Variants in TSPAN9 observed in about 807,000 individuals in gnomAD.
TSPAN9 encodes the protein tetraspanin 9, also known as tetraspanin-9.
A neutral mutation model predicts 31.0 loss-of-function variants in TSPAN9; 16 were observed. The observed-to-expected ratio is 0.52, with a 90% CI of 0.35 to 0.78. TSPAN9 has a LOEUF of 0.78. Among genes scored for constraint, TSPAN9 ranks in the 30% least tolerant of loss-of-function variants. TSPAN9 has a pLI of 0.01. For missense variants in TSPAN9, 272 were observed against 312.5 expected (o/e 0.87, Z 0.98); for synonymous variants, 145 against 121.6 (o/e 1.19, Z -1.27).
intron 2 of TSPAN9, among the ~76,000 whole-genome samples, chr12:3,118,256 G>GTTTCTTTTTTTTTTTTTTTT (rs2098323371): frequency 3.2e-5 from 1 of 31,582 alleles, no homozygotes; most frequent in Non-Finnish European, 6.4e-5. Context: ...TGCACCCGCC[G>GTTTCTTTTTTTTTTTTTTTT]TTTTTTTTTT....
At chr12:3,249,098 C>G (rs1311985590) in intron 3 of TSPAN9, among the ~76,000 whole-genome samples, 4 of 152,228 alleles carry the variant, frequency 2.6e-5, no homozygotes, top group African/African-American at 9.6e-5. Context: ...TACAGGCCTG[C>G]CAGAGTCTGC....
intron 3 of TSPAN9, among the ~76,000 whole-genome samples, chr12:3,275,606 T>C (rs529915548): frequency 6.6e-6 from 1 of 152,392 alleles, no homozygotes; most frequent in African/African-American, 2.4e-5. Context: ...CCAGAGCTTC[T>C]GAACCAGCCT....
intron 2 of TSPAN9, among the ~76,000 whole-genome samples, chr12:3,158,464 C>CT (rs1208228517): frequency 6.6e-6 from 1 of 152,230 alleles, no homozygotes; most frequent in Admixed American, 6.5e-5. Flanking sequence ...TGGCTCACGC[C>CT]TATAATCCCA....
chr12:3,176,979 G>A (rs901653336), intron 2 of TSPAN9, among the ~76,000 whole-genome samples: 3 of 152,224 alleles, frequency 2.0e-5, no homozygotes, highest in Admixed American at 6.5e-5. Flanking sequence ...AGGGCAAAAC[G>A]AGGAGTGGCT....
At chr12:3,112,614 C>T (rs2098319624) in intron 2 of TSPAN9, among the ~76,000 whole-genome samples, 2 of 146,358 alleles carry the variant, frequency 1.4e-5, no homozygotes. Context: ...TTTTGTAAAA[C>T]TGATTTTGTT....
intron 2 of TSPAN9, among the ~76,000 whole-genome samples, chr12:3,113,948 C>T (rs150636568): frequency 7.2e-5 from 11 of 152,332 alleles, no homozygotes; most frequent in Non-Finnish European, 1.3e-4. Flanking sequence ...TTCTTCCCCT[C>T]CCAGCAGCAT....
intron 2 of TSPAN9, among the ~76,000 whole-genome samples, chr12:3,127,062 C>T (rs558675418): frequency 9.9e-5 from 15 of 151,938 alleles, no homozygotes; most frequent in African/African-American, 3.6e-4. Context: ...GGCTTGGTAG[C>T]ATGTCCAACT....
chr12:3,203,978 G>A (rs747394317), intron 3 of TSPAN9, among the ~76,000 whole-genome samples: 3 of 152,170 alleles, frequency 2.0e-5, no homozygotes, highest in Non-Finnish European at 4.4e-5. Context: ...ATCAAAGGCA[G>A]GTGGGGTGTT....
intron 3 of TSPAN9, among the ~76,000 whole-genome samples, chr12:3,248,949 G>A (rs998735834): frequency 8.5e-5 from 13 of 152,194 alleles, no homozygotes; most frequent in African/African-American, 2.6e-4. Flanking sequence ...TACCCATGCC[G>A]CCTCCCTGAG....
At chr12:3,278,853 TG>T in intron 4 of TSPAN9, 138 bp from the exon 5 acceptor site, 1 of 986,452 alleles carries the variant, frequency 1.0e-6, no homozygotes, top group Non-Finnish European at 1.5e-6. Flanking sequence ...CCTAGCTATC[TG>T]GGTTTCCTCA....
intron 3 of TSPAN9, among the ~76,000 whole-genome samples, chr12:3,207,237 C>G (rs2098375782): frequency 6.6e-6 from 1 of 151,940 alleles, no homozygotes; most frequent in Non-Finnish European, 1.5e-5. Context: ...CACTCGGGCT[C>G]AAGCTGTCAC....
chr12:3,106,660 G>A (rs570230368), intron 2 of TSPAN9, among the ~76,000 whole-genome samples: 11 of 152,226 alleles, frequency 7.2e-5, no homozygotes, highest in Admixed American at 2.0e-4. Flanking sequence ...AGTCACAGCT[G>A]CTTGGGAGGT....
chr12:3,241,535 A>G (rs1410439912), intron 3 of TSPAN9, among the ~76,000 whole-genome samples: 1 of 152,254 alleles, frequency 6.6e-6, no homozygotes, highest in Non-Finnish European at 1.5e-5. Flanking sequence ...ACAACTTCAT[A>G]TGACCAGAAG....
intron 8 of TSPAN9, 58 bp from the exon 9 acceptor site, chr12:3,282,987 T>C: frequency 6.3e-7 from 1 of 1,578,316 alleles, no homozygotes; most frequent in Non-Finnish European, 8.6e-7. Flanking sequence ...CTCTCGGGGC[T>C]GAGGTCAGGT....
At chr12:3,240,019 A>G (rs1381605449) in intron 3 of TSPAN9, among the ~76,000 whole-genome samples, 1 of 39,850 alleles carries the variant, frequency 2.5e-5, no homozygotes, top group African/African-American at 6.1e-5. Context: ...TGTCCCTATT[A>G]CTCCCTTTTT....
intron 3 of TSPAN9, among the ~76,000 whole-genome samples, chr12:3,219,666 G>A (rs2098383238): frequency 6.6e-6 from 1 of 152,084 alleles, no homozygotes; most frequent in Admixed American, 6.6e-5. Context: ...ACTTAAAAAG[G>A]GAATGATAGG....
intron 2 of TSPAN9, among the ~76,000 whole-genome samples, chr12:3,159,107 G>A (rs977528126): frequency 1.9e-4 from 29 of 151,780 alleles, no homozygotes; most frequent in Admixed American, 5.9e-4. Context: ...TAAGTTCTTA[G>A]GCATTTTTCT....
intron 2 of TSPAN9, among the ~76,000 whole-genome samples, chr12:3,088,650 A>T (rs2098302046): frequency 6.6e-6 from 1 of 152,182 alleles, no homozygotes; most frequent in African/African-American, 2.4e-5. Flanking sequence ...AGACCATGCA[A>T]TTCAGGGCAG....
At chr12:3,105,808 A>ACTCACG (rs1565577402) in intron 2 of TSPAN9, among the ~76,000 whole-genome samples, 4 of 150,676 alleles carry the variant, frequency 2.7e-5, no homozygotes, top group Non-Finnish European at 4.4e-5. Context: ...ACACATGCGC[A>ACTCACG]CACACGCACA....
Sources: allele counts gnomAD v4.1 joint callset (sites outside exome capture counted in the v4.1 genomes callset), GRCh38; gene constraint gnomAD v4.1.1; transcripts MANE v1.5; gene names NCBI Gene and HGNC (gene_info 2026-07-23, HGNC 2026-07-21).